Variants in TCF4 observed in about 807,000 individuals in gnomAD.
TCF4 encodes SL3-3 enhancer factor 2.
Under a neutral mutation model 82.1 loss-of-function variants are expected in TCF4, and 3 were observed. The ratio of observed to expected loss-of-function variants is 0.04; its 90% CI spans 0.02 to 0.09. The LOEUF is 0.09. Ranked by LOEUF, TCF4 falls within the 10% of genes least tolerant of loss-of-function variation. TCF4 has a pLI of 1.00. For missense variants in TCF4, 518 were observed against 852.7 expected, an observed-to-expected ratio of 0.61 and a Z score of 4.89; for synonymous variants, 276 against 309.6, an observed-to-expected ratio of 0.89 and a Z score of 1.14.
chr18:55,297,307 CTGAGTA>C (rs1484123172), intron 8 of TCF4, among the ~76,000 whole-genome samples: 4 of 151,194 alleles, frequency 2.6e-5, no homozygotes, highest in Non-Finnish European at 2.9e-5. Flanking sequence ...CGCATAGAGT[CTGAGTA>C]TAATTCTTTC....
intron 6 of TCF4, among the ~76,000 whole-genome samples, chr18:55,381,094 C>G (rs2091830528): frequency 1.3e-5 from 2 of 152,252 alleles, no homozygotes; most frequent in South Asian, 4.1e-4. Context: ...AATTAAGATT[C>G]AACTCTCTTC....
intron 8 of TCF4, among the ~76,000 whole-genome samples, chr18:55,305,833 C>T (rs992032871): frequency 6.6e-6 from 1 of 152,062 alleles, no homozygotes; most frequent in Admixed American, 6.6e-5. Flanking sequence ...TATCAGTTTC[C>T]ATACTGATAG....
intron 8 of TCF4, among the ~76,000 whole-genome samples, chr18:55,339,347 G>A (rs981873977): frequency 2.0e-5 from 3 of 152,018 alleles, no homozygotes; most frequent in Non-Finnish European, 2.9e-5. Flanking sequence ...TGAGGAACAC[G>A]GCAATCCACT....
intron 3 of TCF4, among the ~76,000 whole-genome samples, chr18:55,491,287 G>T (rs2096573641): frequency 6.6e-6 from 1 of 152,056 alleles, no homozygotes; most frequent in Non-Finnish European, 1.5e-5. Flanking sequence ...GACGGCGGTG[G>T]TTCCATTCAC....
Position 55,350,904 on chromosome 18 carries a change from G to C in TCF4, c.469C>G (p.Arg157Gly). 6.2e-7 allele frequency: 1 copy of C among 1,613,538 alleles called. No homozygotes were observed. Among genetic ancestry groups the C allele is most frequent in the Non-Finnish European group, 8.5e-7 (1 of 1,179,584 alleles). ...QYYQYSSNNP[R>G]RRPLHSSAME... ...GCACTACTGTGAAGAGGCCTCCTTC[G>C]GGGATTATTGCTAGAATACTGATAG... Residue 157 changes from arginine (R) to glycine (G), a missense_variant, in exon 7 of 20, where the codon CGA becomes GGA. Physicochemically the swap from Arg to Gly is moderately radical, Grantham distance 125. Around this residue, in one of 7 missense-constraint regions of TCF4, gnomAD observed 211 missense variants for 327.4 expected, o/e 0.64. Coordinates refer to ENST00000354452, the MANE Select transcript of TCF4 (RefSeq NM_001083962.2).
chr18:55,299,366 C>T (rs547599286), intron 8 of TCF4, among the ~76,000 whole-genome samples: 10 of 151,486 alleles, frequency 6.6e-5, no homozygotes, highest in South Asian at 2.1e-4. Context: ...GAGTCGAGAT[C>T]GCACCATTGC....
chr18:55,508,643 T>C (rs910147018), intron 3 of TCF4, among the ~76,000 whole-genome samples: 8 of 152,196 alleles, frequency 5.3e-5, no homozygotes, highest in Non-Finnish European at 7.3e-5. Flanking sequence ...AGGTAGTAAG[T>C]GGTCGAGCTG....
intron 6 of TCF4, chr18:55,400,856 TTAAG>T: frequency 1.3e-6 from 1 of 795,836 alleles, no homozygotes; most frequent in Non-Finnish European, 1.8e-6. Flanking sequence ...GCTCACCCCT[TTAAG>T]TCCATAGGAT....
chr18:55,567,586 G>A (rs1438287736), intron 3 of TCF4, among the ~76,000 whole-genome samples: 3 of 152,160 alleles, frequency 2.0e-5, no homozygotes, highest in Admixed American at 6.5e-5. Flanking sequence ...GTTGGCACAC[G>A]CCTGTAATCC....
chr18:55,263,151 ATATT>A (rs2058403247), intron 11 of TCF4, among the ~76,000 whole-genome samples: 1 of 152,130 alleles, frequency 6.6e-6, no homozygotes, highest in South Asian at 2.1e-4. Flanking sequence ...ACCCACACCC[ATATT>A]TATTTGTTAA....
At chr18:55,486,898 C>G (rs2096523895) in intron 3 of TCF4, among the ~76,000 whole-genome samples, 1 of 152,172 alleles carries the variant, frequency 6.6e-6, no homozygotes, top group African/African-American at 2.4e-5. Context: ...CCCCTCCCCT[C>G]CTTTCCTCTT....
intron 5 of TCF4, among the ~76,000 whole-genome samples, chr18:55,444,535 G>A (rs1169681218): frequency 6.6e-6 from 1 of 152,220 alleles, no homozygotes. Flanking sequence ...TGTGGAAAGA[G>A]AGACAATACA....
chr18:55,471,332 C>T (rs1234006005), intron 3 of TCF4, among the ~76,000 whole-genome samples: 1 of 152,138 alleles, frequency 6.6e-6, no homozygotes, highest in Non-Finnish European at 1.5e-5. Context: ...AGAAACTCGA[C>T]AAGAAGCTTC....
intron 5 of TCF4, among the ~76,000 whole-genome samples, chr18:55,415,117 A>G (rs996827338): frequency 6.6e-6 from 1 of 152,160 alleles, no homozygotes; most frequent in Non-Finnish European, 1.5e-5. Flanking sequence ...CTCAAATACA[A>G]TCAAGGCAAG....
At chr18:55,363,539 C>G (rs77662891) in intron 6 of TCF4, among the ~76,000 whole-genome samples, 5,075 of 152,232 alleles carry the variant, frequency 0.033, 270 homozygotes, top group African/African-American at 0.12. Context: ...CGTAGTAGCT[C>G]ATGCCTGTAA....
intron 3 of TCF4, among the ~76,000 whole-genome samples, chr18:55,490,364 C>T (rs2096563288): frequency 6.6e-6 from 1 of 152,122 alleles, no homozygotes; most frequent in South Asian, 2.1e-4. Flanking sequence ...TTCTGAACTC[C>T]AATCCCTTTC....
intron 8 of TCF4, among the ~76,000 whole-genome samples, chr18:55,296,733 C>T (rs1222066427): frequency 6.6e-6 from 1 of 152,114 alleles, no homozygotes; most frequent in Non-Finnish European, 1.5e-5. Context: ...GGTGAACAAA[C>T]CAGGTAAGAA....
chr18:55,630,280 T>C (rs1013462042), intron 2 of TCF4, among the ~76,000 whole-genome samples: 6 of 152,218 alleles, frequency 3.9e-5, no homozygotes, highest in South Asian at 2.1e-4. Context: ...AGGGGCATTA[T>C]TGAATTCACA....
At chr18:55,431,813 G>T (rs540104694) in intron 5 of TCF4, among the ~76,000 whole-genome samples, 2 of 152,102 alleles carry the variant, frequency 1.3e-5, no homozygotes, top group African/African-American at 4.8e-5. Flanking sequence ...TTTTACTGTG[G>T]CACAAACTGG....
Sources: gnomAD v4.1 joint callset for allele counts (sites outside exome capture counted in the v4.1 genomes callset) on GRCh38, gnomAD v4.1.1 for gene constraint, gnomAD v4.1.1 regional missense constraint, MANE v1.5 for transcripts, NCBI Gene and HGNC (gene_info 2026-07-23, HGNC 2026-07-21) for gene names.